VEGFC: variants seen among roughly 807,000 people sequenced by gnomAD.
The protein encoded by VEGFC is vascular endothelial growth factor C.
In VEGFC, 12 loss-of-function variants were observed where a neutral mutation model predicts 46.1. The observed-to-expected ratio is 0.26, with a 90% CI of 0.17 to 0.42. VEGFC has a LOEUF of 0.42. VEGFC is among the 10% of genes least tolerant of loss of function. The probability of loss-of-function intolerance (pLI) is 1.00; values close to 1 mark genes in which losing one functional copy is unlikely to be tolerated. For missense variants in VEGFC, 488 were observed against 529.4 expected (o/e 0.92, Z 0.77); for synonymous variants, 232 against 195.5 (o/e 1.19, Z -1.56).
rs1458490646 is a variant in VEGFC, at chr4:176,688,728, C to G, written c.705-801G>C. Among the ~76,000 whole-genome samples the G allele has an allele frequency of 7.2e-5, 11 of 152,144 alleles. No individual in the cohort carries two copies. In the East Asian group the frequency reaches 1.7e-3, roughly 24 times the overall value. ...TTGCTCCTTTGATGGTCCAATGGCC[C>G]CACTGTTGCTACCTGAGACCCCTCT... is the stretch of plus-strand genomic sequence containing the variant. On this transcript the variant is annotated intron_variant, in intron 4 of 6. Transcript: ENST00000618562.
At chr4:176,712,830 C>T (rs904515254) in intron 3 of VEGFC, among the ~76,000 whole-genome samples, 6 of 152,132 alleles carry the variant, frequency 3.9e-5, no homozygotes, top group Admixed American at 2.6e-4. Context: ...TGCATATTGT[C>T]TTCATTCAAG....
intron 3 of VEGFC, among the ~76,000 whole-genome samples, chr4:176,712,520 G>GA (rs1395182469): frequency 2.0e-5 from 3 of 152,100 alleles, no homozygotes; most frequent in African/African-American, 7.2e-5. Context: ...ATCATTACCA[G>GA]AAAAAATGGT....
chr4:176,733,217 A>C (rs1341570849), intron 1 of VEGFC, among the ~76,000 whole-genome samples: 1 of 151,972 alleles, frequency 6.6e-6, no homozygotes, highest in Non-Finnish European at 1.5e-5. Context: ...AGTTTCTCAC[A>C]AAGTTAAACA....
chr4:176,752,462 A>G (rs1269441896), intron 1 of VEGFC, among the ~76,000 whole-genome samples: 2 of 151,964 alleles, frequency 1.3e-5, no homozygotes, highest in African/African-American at 2.4e-5. Context: ...CAACAAAACT[A>G]CTCTTCAGTG....
intron 4 of VEGFC, among the ~76,000 whole-genome samples, chr4:176,688,832 C>T (rs1734095326): frequency 6.6e-6 from 1 of 152,198 alleles, no homozygotes; most frequent in Non-Finnish European, 1.5e-5. Flanking sequence ...TTCTCCTCCA[C>T]ACCTGGCATC....
chr4:176,743,248 T>C (rs947940655), intron 1 of VEGFC, among the ~76,000 whole-genome samples: 9 of 152,016 alleles, frequency 5.9e-5, no homozygotes, highest in Non-Finnish European at 1.2e-4. Context: ...TAGTAGATGA[T>C]AGAAGCTTGT....
rs750364363 is a variant in VEGFC at position 176,729,681 on chromosome 4, AGTCATGAGT to A, written c.204_212del (p.Glu68_Thr71delinsAsp). 1 of 1,613,584 alleles carries A rather than the reference AGTCATGAGT, an allele frequency of 6.2e-7. No individual in the cohort carries two copies. The highest frequency in any genetic ancestry group is 1.3e-5 in the African/African-American group (1 of 74,866). ...TTTTCCAATATTCTGGGTAGAGTAC[AGTCATGAGT>A]TCATCTACACTGGACACAGACCGTA... On this transcript the variant is annotated inframe_deletion, in exon 2 of 7. Transcript: ENST00000618562.
rs1427209514 is a variant in VEGFC at position 176,730,177 on chromosome 4, G to A, written c.148-431C>T. 3.3e-5 allele frequency among the ~76,000 whole-genome samples: 5 copies of A among 152,238 alleles called. No individual in the cohort carries two copies. In the East Asian group the frequency reaches 9.7e-4, roughly 29 times the overall value. On this transcript the variant is annotated intron_variant, in intron 1 of 6. Transcript: ENST00000618562. ...TACAATATGCTTAAGCAGGATGCTT[G>A]AGAGTAGGAATTTTACTTTCATGGG...
At chr4:176,692,638 G>A (rs1374331791) in intron 4 of VEGFC, among the ~76,000 whole-genome samples, 1 of 144,550 alleles carries the variant, frequency 6.9e-6, no homozygotes, top group Non-Finnish European at 1.5e-5. Context: ...GCTCAAGGAG[G>A]CCTGCCTGCC....
chr4:176,759,372 A>T (rs764144073), intron 1 of VEGFC, among the ~76,000 whole-genome samples: 1 of 152,172 alleles, frequency 6.6e-6, no homozygotes, highest in Non-Finnish European at 1.5e-5. Flanking sequence ...AGGCACAAAA[A>T]GACAAATATG....
chr4:176,701,775 C>A (rs781388097), intron 4 of VEGFC, among the ~76,000 whole-genome samples: 7 of 151,872 alleles, frequency 4.6e-5, no homozygotes, highest in Admixed American at 1.3e-4. Context: ...TTTGAACTGG[C>A]AAAGAGGATA....
rs758355170 is a variant in VEGFC, at chr4:176,792,231, G to A, written c.81C>T (p.Ala27=). Residue 27 remains alanine, a synonymous_variant, in exon 1 of 7, where the codon GCC becomes GCT. Transcript: ENST00000618562. The surrounding 1 kb of genome is among the most constrained non-coding windows in gnomAD (Gnocchi z 6.3). ...GTCCGGACTCGAAGGCGGCGGCGGC[G>A]GCGGGCGCCTCGCGAGGACCCGGGA... ...ALLPGPREAP[A]AAAAFESGLD... 8.3e-6 allele frequency: 13 copies of A among 1,558,572 alleles called. No individual in the cohort carries two copies. Among genetic ancestry groups the A allele is most frequent in the Non-Finnish European group, 1.0e-5 (12 of 1,155,662 alleles).
intron 4 of VEGFC, among the ~76,000 whole-genome samples, chr4:176,692,821 TGACCCCC>T (rs1734228300): frequency 6.8e-6 from 1 of 146,558 alleles, no homozygotes; most frequent in Admixed American, 6.7e-5. Flanking sequence ...CCCTGACCCC[TGACCCCC>T]GAGCAGCCTA....
At chr4:176,774,035 A>G (rs995279809) in intron 1 of VEGFC, among the ~76,000 whole-genome samples, 4 of 152,068 alleles carry the variant, frequency 2.6e-5, no homozygotes, top group African/African-American at 9.7e-5. Flanking sequence ...AGTCCAGAAA[A>G]TTCACTTATA....
In VEGFC at chr4:176,761,249, G is replaced by A. The variant is rs149647843; in HGVS notation, c.147+30916C>T. Reference sequence around the variant, plus strand: ...GAGATAATATTCAGTGTAAGTATCAGTGAGAACTTATTTAAGTCCTCAGCG... The same window carrying A: ...GAGATAATATTCAGTGTAAGTATCAATGAGAACTTATTTAAGTCCTCAGCG... On this transcript the variant is annotated intron_variant, in intron 1 of 6. Coordinates refer to ENST00000618562, the MANE Select transcript of VEGFC (RefSeq NM_005429.5). 4.6e-5 allele frequency among the ~76,000 whole-genome samples: 7 copies of A among 152,262 alleles called. No homozygotes were observed. The East Asian group carries it at 1.4e-3, about 29-fold the overall frequency.
chr4:176,725,890 A>G (rs1734867042), intron 3 of VEGFC, among the ~76,000 whole-genome samples: 1 of 152,130 alleles, frequency 6.6e-6, no homozygotes, highest in African/African-American at 2.4e-5. Flanking sequence ...CTTTCAAAGA[A>G]TATCTGCTTG....
chr4:176,754,221 TCTTAA>T (rs1239481311), intron 1 of VEGFC, among the ~76,000 whole-genome samples: 2 of 151,720 alleles, frequency 1.3e-5, no homozygotes, highest in Non-Finnish European at 2.9e-5. Flanking sequence ...AAAACATAGG[TCTTAA>T]CTTGTTTTTT....
intron 1 of VEGFC, among the ~76,000 whole-genome samples, chr4:176,732,572 A>G (rs972745863): frequency 2.0e-5 from 3 of 151,872 alleles, no homozygotes; most frequent in Non-Finnish European, 2.9e-5. Flanking sequence ...TTTTTGAGAA[A>G]AGAGGATTTC....
chr4:176,783,772 A>G (rs979982792), intron 1 of VEGFC, among the ~76,000 whole-genome samples: 1 of 152,164 alleles, frequency 6.6e-6, no homozygotes, highest in African/African-American at 2.4e-5. Flanking sequence ...TGAATGATTA[A>G]ACACCCTGCA....
Sources: allele counts gnomAD v4.1 joint callset (sites outside exome capture counted in the v4.1 genomes callset), GRCh38; gene constraint gnomAD v4.1.1; non-coding constraint Gnocchi (gnomAD v3.1); transcripts MANE v1.5; gene names NCBI Gene and HGNC (gene_info 2026-07-23, HGNC 2026-07-21).